The following AGPS variants were observed in gnomAD, a reference collection of about 807,000 sequenced individuals.
AGPS encodes the protein alkyldihydroxyacetonephosphate synthase, peroxisomal.
A neutral mutation model predicts 90.7 loss-of-function variants in AGPS; 26 were observed. The observed-to-expected ratio is 0.29, with a 90% confidence interval of 0.21 to 0.40. The LOEUF (loss-of-function observed/expected upper bound fraction) is 0.40. AGPS is among the 10% of genes least tolerant of loss of function. The pLI is 1.00. For synonymous variants in AGPS, 294 were observed against 285.3 expected, an observed-to-expected ratio of 1.03 and a Z score of -0.31; for missense variants, 540 against 816.1, an observed-to-expected ratio of 0.66 and a Z score of 4.12.
intron 17 of AGPS, 58 bp from the exon 18 acceptor site, chr2:177,521,211 T>C: frequency 1.4e-6 from 2 of 1,406,406 alleles, no homozygotes; most frequent in South Asian, 1.2e-5. Flanking sequence ...AGTTTCTAGA[T>C]GTTAAATCTG....
At chr2:177,443,143 G>A (rs531499503) in intron 7 of AGPS, among the ~76,000 whole-genome samples, 3 of 151,928 alleles carry the variant, frequency 2.0e-5, no homozygotes, top group African/African-American at 7.2e-5. Flanking sequence ...GTATAATCTC[G>A]TTTAAAAAGG....
At chr2:177,436,675 A>C in intron 3 of AGPS, 89 bp from the exon 4 acceptor site, 1 of 1,314,100 alleles carries the variant, frequency 7.6e-7, no homozygotes, top group Non-Finnish European at 1.1e-6. Flanking sequence ...TTTAAAAAAA[A>C]GTCTACATTT....
chr2:177,505,389 T>G, intron 14 of AGPS, 117 bp from the exon 15 acceptor site: 1 of 897,314 alleles, frequency 1.1e-6, no homozygotes, highest in Non-Finnish European at 1.8e-6. Context: ...ACAGAAATAT[T>G]AAAAGTGTTT....
intron 17 of AGPS, among the ~76,000 whole-genome samples, chr2:177,516,932 T>A (rs982411654): frequency 6.6e-6 from 1 of 152,140 alleles, no homozygotes; most frequent in East Asian, 1.9e-4. Context: ...ATCTTTTTTT[T>A]ATGAGGGTGA....
chr2:177,448,720 T>A (rs1220254203), intron 8 of AGPS, among the ~76,000 whole-genome samples: 1 of 152,212 alleles, frequency 6.6e-6, no homozygotes, highest in Non-Finnish European at 1.5e-5. Flanking sequence ...TGTGTACAAT[T>A]TGATAAGTTT....
intron 1 of AGPS, among the ~76,000 whole-genome samples, chr2:177,403,785 G>T (rs982135359): frequency 6.6e-6 from 1 of 152,056 alleles, no homozygotes; most frequent in South Asian, 2.1e-4. Flanking sequence ...TCCTTATCAA[G>T]AAATAATAAT....
chr2:177,464,400 G>C (rs577124108), intron 9 of AGPS, among the ~76,000 whole-genome samples: 4 of 152,102 alleles, frequency 2.6e-5, no homozygotes, highest in Non-Finnish European at 5.9e-5. Flanking sequence ...ATTAAAGAAC[G>C]TGTTAATATA....
chr2:177,470,987 TAA>T (rs1310424600), intron 10 of AGPS, among the ~76,000 whole-genome samples: 2 of 152,136 alleles, frequency 1.3e-5, no homozygotes, highest in Non-Finnish European at 2.9e-5. Flanking sequence ...TTATAAGGAT[TAA>T]GTGAGATTAT....
At position 177,540,967 on chromosome 2, in the gene AGPS, C is replaced by T. The variant is rs1349325629; in HGVS notation, c.*2772C>T. On this transcript the variant is annotated 3_prime_UTR_variant, in exon 20 of 20. Transcript: ENST00000264167. ...ATAAGTAACTTTGAGCTGTTTTTAG[C>T]TTAGTAAGAATTGTGGAAACCACAT... 1 of 152,028 alleles carries T rather than the reference C, an allele frequency of 6.6e-6. No homozygotes were observed. Among genetic ancestry groups the T allele is most frequent in the Admixed American group, 6.6e-5 (1 of 15,258 alleles). The allele number at this position is 152,028 out of a possible 1,614,324, so 9.4% of individuals were successfully genotyped here.
intron 3 of AGPS, among the ~76,000 whole-genome samples, 176 bp downstream of exon 3, chr2:177,434,593 A>G (rs1686341754): frequency 6.6e-6 from 1 of 152,174 alleles, no homozygotes; most frequent in South Asian, 2.1e-4. Context: ...ATTCATTGTC[A>G]CAGATATAGA....
At chr2:177,511,951 A>ATT (rs768000078) in intron 16 of AGPS, among the ~76,000 whole-genome samples, 12,263 of 152,228 alleles carry the variant, frequency 0.081, 814 homozygotes, top group East Asian at 0.34. Flanking sequence ...GATACATTTA[A>ATT]GTGCATTTAA....
At chr2:177,494,813 T>C (rs1688366996) in intron 12 of AGPS, among the ~76,000 whole-genome samples, 1 of 152,202 alleles carries the variant, frequency 6.6e-6, no homozygotes, top group Non-Finnish European at 1.5e-5. Context: ...CTGATCATGC[T>C]TTTTGGCTGT....
chr2:177,438,881 A>T (rs2105633774), intron 5 of AGPS, among the ~76,000 whole-genome samples: 1 of 152,264 alleles, frequency 6.6e-6, no homozygotes, highest in South Asian at 2.1e-4. Context: ...CTGGCGATGA[A>T]GTCCAAGTTT....
At chr2:177,467,626 G>A (rs916179197) in intron 9 of AGPS, among the ~76,000 whole-genome samples, 1 of 152,246 alleles carries the variant, frequency 6.6e-6, no homozygotes, top group Non-Finnish European at 1.5e-5. Flanking sequence ...GCTAGTGAAT[G>A]TAAACTTTTA....
At chr2:177,468,594 T>G in intron 10 of AGPS, 70 bp downstream of exon 10, 1 of 1,071,622 alleles carries the variant, frequency 9.3e-7, no homozygotes, top group Non-Finnish European at 1.4e-6. Context: ...AATCTTTATA[T>G]TGTGACATCA....
chr2:177,508,359 C>T (rs891619072), intron 16 of AGPS, among the ~76,000 whole-genome samples: 1 of 152,084 alleles, frequency 6.6e-6, no homozygotes, highest in African/African-American at 2.4e-5. Context: ...ATTAATATTG[C>T]TTAAATGTTC....
At chr2:177,441,153 T>C in intron 6 of AGPS, 117 bp downstream of exon 6, 1 of 947,118 alleles carries the variant, frequency 1.1e-6, no homozygotes, top group Non-Finnish European at 1.6e-6. Context: ...GTGATGTGGT[T>C]ATTCTCAAAA....
At chr2:177,514,006 A>G in intron 17 of AGPS, 98 bp downstream of exon 17, 1 of 906,758 alleles carries the variant, frequency 1.1e-6, no homozygotes, top group Non-Finnish European at 1.8e-6. Context: ...AAAAAGCTTC[A>G]GTCTATTACA....
At chr2:177,477,179 T>A (rs1470021932) in intron 10 of AGPS, among the ~76,000 whole-genome samples, 1 of 152,146 alleles carries the variant, frequency 6.6e-6, no homozygotes, top group Non-Finnish European at 1.5e-5. Context: ...CTGCCTTATT[T>A]TCCCCCCCTC....
Sources: allele counts gnomAD v4.1 joint callset (sites outside exome capture counted in the v4.1 genomes callset), GRCh38; gene constraint gnomAD v4.1.1; transcripts MANE v1.5; gene names NCBI Gene and HGNC (gene_info 2026-07-23, HGNC 2026-07-21).